The following ASAP1 variants were observed in gnomAD, a reference collection of about 807,000 sequenced individuals.
ASAP1 encodes the protein arf-GAP with SH3 domain, ANK repeat and PH domain-containing protein 1.
A neutral mutation model predicts 145.2 loss-of-function variants in ASAP1; 43 were observed. The ratio of observed to expected loss-of-function variants is 0.30; its 90% confidence interval spans 0.23 to 0.38. The LOEUF (loss-of-function observed/expected upper bound fraction) is 0.38, where lower values mean the gene tolerates loss of function less well. Among genes scored for constraint, ASAP1 ranks in the 10% least tolerant of loss-of-function variants. The pLI is 1.00. For missense variants in ASAP1, 1,018 were observed against 1,355.3 expected (o/e 0.75, Z 3.91); for synonymous variants, 546 against 515.5 (o/e 1.06, Z -0.80).
At chr8:130,079,776 G>C in intron 26 of ASAP1, 126 bp downstream of exon 26, 2 of 897,836 alleles carry the variant, frequency 2.2e-6, no homozygotes. Context: ...TTCTTGTTGT[G>C]GCCTGCCCCA....
chr8:130,440,002 C>A (rs999806027), intron 1 of ASAP1, among the ~76,000 whole-genome samples: 1 of 152,178 alleles, frequency 6.6e-6, no homozygotes, highest in Non-Finnish European at 1.5e-5. Flanking sequence ...CCACCATACA[C>A]CCAGCTGTTC....
intron 7 of ASAP1, among the ~76,000 whole-genome samples, chr8:130,182,540 C>T (rs1586537731): frequency 6.6e-6 from 1 of 152,234 alleles, no homozygotes; most frequent in African/African-American, 2.4e-5. Flanking sequence ...GCCTTCACAT[C>T]CTAAAACTTG....
intron 13 of ASAP1, among the ~76,000 whole-genome samples, chr8:130,140,384 T>C (rs540621412): frequency 6.6e-6 from 1 of 151,928 alleles, no homozygotes; most frequent in South Asian, 2.1e-4. Flanking sequence ...AAAAAACTTT[T>C]AGGTTTGGGG....
At chr8:130,235,235 T>C (rs1468856190) in intron 4 of ASAP1, among the ~76,000 whole-genome samples, 2 of 152,148 alleles carry the variant, frequency 1.3e-5, no homozygotes, top group Non-Finnish European at 2.9e-5. Flanking sequence ...TAAATCCCTT[T>C]TATTTTCTGC....
intron 3 of ASAP1, among the ~76,000 whole-genome samples, chr8:130,319,322 A>G (rs1386684507): frequency 2.0e-5 from 3 of 152,272 alleles, no homozygotes; most frequent in African/African-American, 7.2e-5. Flanking sequence ...AAATAAAAAA[A>G]GGAATAAAAG....
At chr8:130,420,235 T>TACACACACACACAC (rs34138357) in intron 1 of ASAP1, among the ~76,000 whole-genome samples, 3 of 139,318 alleles carry the variant, frequency 2.2e-5, no homozygotes, top group African/African-American at 8.2e-5. Flanking sequence ...CATAATGAAA[T>TACACACACACACAC]ACACACACAC....
chr8:130,072,071 C>T (rs1592735361), intron 27 of ASAP1, among the ~76,000 whole-genome samples: 1 of 152,278 alleles, frequency 6.6e-6, no homozygotes, highest in Non-Finnish European at 1.5e-5. Flanking sequence ...CTTAAAACAC[C>T]TTCCATGAGA....
intron 20 of ASAP1, among the ~76,000 whole-genome samples, chr8:130,117,614 A>C (rs186593357): frequency 1.2e-4 from 19 of 152,330 alleles, no homozygotes; most frequent in African/African-American, 4.6e-4. Flanking sequence ...CAAACTTCCT[A>C]TATTCACTCT....
chr8:130,279,136 T>C (rs1301991910), intron 3 of ASAP1, among the ~76,000 whole-genome samples: 2 of 152,098 alleles, frequency 1.3e-5, no homozygotes, highest in African/African-American at 2.4e-5. Flanking sequence ...AAGCCCTTGA[T>C]TCACAATGAG....
chr8:130,127,844 G>T (rs1229358683), intron 16 of ASAP1, 83 bp downstream of exon 16: 2 of 1,514,912 alleles, frequency 1.3e-6, no homozygotes, highest in Non-Finnish European at 1.8e-6. Context: ...AGGGGTTAAG[G>T]TTTTTCAATA....
chr8:130,256,755 A>ATATATATATATATATATCCT (rs1554860198), intron 3 of ASAP1, among the ~76,000 whole-genome samples: 39 of 89,764 alleles, frequency 4.3e-4, no homozygotes, highest in Non-Finnish European at 8.4e-4. Flanking sequence ...ATATATATAT[A>ATATATATATATATATATCCT]TATATATATA....
chr8:130,248,022 A>G (rs1454038873), intron 3 of ASAP1, among the ~76,000 whole-genome samples: 2 of 152,178 alleles, frequency 1.3e-5, no homozygotes, highest in Non-Finnish European at 2.9e-5. Context: ...TGACTTACTG[A>G]AAAACACCAC....
chr8:130,115,132 G>A (rs1171523648), intron 23 of ASAP1, among the ~76,000 whole-genome samples: 3 of 152,180 alleles, frequency 2.0e-5, no homozygotes, highest in African/African-American at 7.2e-5. Flanking sequence ...AGATGTTGCT[G>A]TAAAGGAATT....
rs989759841 is a variant in ASAP1, at chr8:130,215,426, C to T, written c.260-725G>A. Among the ~76,000 whole-genome samples, 8 of 151,800 alleles carry T rather than the reference C, an allele frequency of 5.3e-5. No individual in the cohort carries two copies. The South Asian group carries it at 6.2e-4, about 12-fold the overall frequency. On this transcript the variant is annotated intron_variant, in intron 4 of 29. Coordinates refer to ENST00000518721, the MANE Select transcript of ASAP1 (RefSeq NM_018482.4). ...CAGCCTGGGCAACATGGCGAGACCC[C>T]GTCTCTACAAAAAATTAACAATTAG...
intron 5 of ASAP1, among the ~76,000 whole-genome samples, chr8:130,190,995 G>C (rs926867512): frequency 6.6e-6 from 1 of 151,644 alleles, no homozygotes; most frequent in Non-Finnish European, 1.5e-5. Flanking sequence ...TTAATGCCTA[G>C]ATTCCATTAA....
intron 5 of ASAP1, 68 bp downstream of exon 5, chr8:130,214,488 T>C (rs1023135929): frequency 1.4e-6 from 2 of 1,385,952 alleles, no homozygotes; most frequent in Non-Finnish European, 1.9e-6. Context: ...ATTATTGAAA[T>C]GTTCTCTATA....
chr8:130,402,515 C>G (rs534690772), intron 1 of ASAP1, among the ~76,000 whole-genome samples: 3 of 152,118 alleles, frequency 2.0e-5, no homozygotes, highest in Non-Finnish European at 4.4e-5. Flanking sequence ...CACAGGAAGT[C>G]TGGGATAAAA....
intron 24 of ASAP1, among the ~76,000 whole-genome samples, chr8:130,104,110 G>A (rs2097533215): frequency 6.6e-6 from 1 of 152,084 alleles, no homozygotes; most frequent in African/African-American, 2.4e-5. Flanking sequence ...CAGCTCTCCT[G>A]CCAGGGCCCG....
At chr8:130,132,081 C>A (rs184076245) in intron 15 of ASAP1, among the ~76,000 whole-genome samples, 1 of 145,742 alleles carries the variant, frequency 6.9e-6, no homozygotes, top group Non-Finnish European at 1.5e-5. Flanking sequence ...AGAATGAAAT[C>A]GGAGAAGGAG....
Sources: gnomAD v4.1 joint callset for allele counts (sites outside exome capture counted in the v4.1 genomes callset) on GRCh38, gnomAD v4.1.1 for gene constraint, MANE v1.5 for transcripts, NCBI Gene and HGNC (gene_info 2026-07-23, HGNC 2026-07-21) for gene names.